The following FSTL5 variants were observed in gnomAD, a reference collection of about 807,000 sequenced individuals.
FSTL5 encodes follistatin like 5.
Under a neutral mutation model 89.1 loss-of-function variants are expected in FSTL5, and 62 were observed. The ratio of observed to expected loss-of-function variants is 0.70; its 90% confidence interval spans 0.57 to 0.86. The LOEUF is 0.86. Ranked by LOEUF, FSTL5 falls within the 40% of genes least tolerant of loss-of-function variation. The pLI is 0.00. For missense variants in FSTL5, 1,057 were observed against 1,001.6 expected (o/e 1.06, Z -0.75); for synonymous variants, 383 against 346.2 (o/e 1.11, Z -1.18).
intron 15 of FSTL5, among the ~76,000 whole-genome samples, chr4:161,403,229 CT>C (rs1731241660): frequency 6.6e-6 from 1 of 152,164 alleles, no homozygotes; most frequent in African/African-American, 2.4e-5. Flanking sequence ...TTAATTCTTC[CT>C]ATAGGATTTC....
At chr4:162,054,557 G>GT (rs1738478036) in intron 2 of FSTL5, among the ~76,000 whole-genome samples, 2 of 151,844 alleles carry the variant, frequency 1.3e-5, no homozygotes, top group Non-Finnish European at 2.9e-5. Flanking sequence ...AACTTTAAAT[G>GT]TAAGAGCAAG....
chr4:161,387,669 T>G, intron 15 of FSTL5: 1 of 152,128 alleles, frequency 6.6e-6, no homozygotes, highest in East Asian at 1.9e-4. Flanking sequence ...TTAAATATCA[T>G]AGAAAAATAA....
chr4:161,488,564 G>A (rs1434499633), intron 12 of FSTL5, among the ~76,000 whole-genome samples: 1 of 151,892 alleles, frequency 6.6e-6, no homozygotes, highest in East Asian at 1.9e-4. Context: ...AGTGTCCAAG[G>A]GTGCACTTAT....
At chr4:162,019,879 C>T (rs1737022501) in intron 3 of FSTL5, among the ~76,000 whole-genome samples, 1 of 148,630 alleles carries the variant, frequency 6.7e-6, no homozygotes, top group Admixed American at 6.8e-5. Context: ...AATATATATG[C>T]ATTTATTTTT....
intron 6 of FSTL5, among the ~76,000 whole-genome samples, chr4:161,754,250 T>C (rs937522593): frequency 1.3e-5 from 2 of 152,110 alleles, no homozygotes; most frequent in African/African-American, 4.8e-5. Context: ...AAAAACTTAA[T>C]TATTTTTATG....
intron 2 of FSTL5, among the ~76,000 whole-genome samples, chr4:162,072,894 A>G (rs75452635): frequency 0.039 from 5,924 of 151,816 alleles, 176 homozygotes; most frequent in East Asian, 0.11. Flanking sequence ...TAGAACAAAA[A>G]AGGCTGATCT....
intron 1 of FSTL5, among the ~76,000 whole-genome samples, chr4:162,141,139 C>T (rs1316757950): frequency 2.5e-5 from 1 of 39,246 alleles, no homozygotes; most frequent in Non-Finnish European, 4.7e-5. Flanking sequence ...TTTTTTGAGA[C>T]GGAGTTTCGC....
chr4:161,819,942 A>C (rs1190630196), intron 4 of FSTL5, among the ~76,000 whole-genome samples: 1 of 152,068 alleles, frequency 6.6e-6, no homozygotes, highest in Non-Finnish European at 1.5e-5. Context: ...AGTAAAAAAA[A>C]ATTAAGTTTT....
intron 2 of FSTL5, among the ~76,000 whole-genome samples, chr4:162,072,631 G>T (rs1430855891): frequency 6.6e-6 from 1 of 151,612 alleles, no homozygotes; most frequent in East Asian, 1.9e-4. Flanking sequence ...TAATACAATA[G>T]CAAACACTTA....
intron 2 of FSTL5, among the ~76,000 whole-genome samples, chr4:162,055,863 T>C (rs552835407): frequency 9.0e-4 from 137 of 151,982 alleles, no homozygotes; most frequent in Admixed American, 1.6e-3. Context: ...ATAAATTATA[T>C]AATAAATGGC....
At chr4:161,658,051 A>AG (rs1487846112) in intron 6 of FSTL5, among the ~76,000 whole-genome samples, 2 of 152,242 alleles carry the variant, frequency 1.3e-5, no homozygotes, top group African/African-American at 4.8e-5. Flanking sequence ...CACCCAAAAC[A>AG]GAGACAGTAA....
intron 3 of FSTL5, among the ~76,000 whole-genome samples, chr4:161,924,269 C>T (rs7673235): frequency 0.62 from 93,495 of 150,860 alleles, 29,083 homozygotes; most frequent in Middle Eastern, 0.7. Context: ...TATTAAAAGA[C>T]TAAACATACC....
At chr4:161,977,760 A>T (rs544354267) in intron 3 of FSTL5, among the ~76,000 whole-genome samples, 11 of 151,790 alleles carry the variant, frequency 7.2e-5, no homozygotes, top group Middle Eastern at 3.4e-3. Flanking sequence ...TTGGAATTCA[A>T]ATCCAACTAT....
At chr4:162,040,541 G>A (rs1009884753) in intron 2 of FSTL5, among the ~76,000 whole-genome samples, 2 of 151,924 alleles carry the variant, frequency 1.3e-5, no homozygotes, top group Admixed American at 6.6e-5. Flanking sequence ...CAAAAATAGA[G>A]GGGAGACAGT....
intron 8 of FSTL5, among the ~76,000 whole-genome samples, chr4:161,554,569 GTGACT>G (rs762029067): frequency 5.3e-5 from 8 of 151,610 alleles, no homozygotes; most frequent in Non-Finnish European, 7.4e-5. Context: ...ACCCAATACA[GTGACT>G]TCATTCTAAC....
intron 8 of FSTL5, among the ~76,000 whole-genome samples, chr4:161,544,570 A>G (rs1217502076): frequency 1.3e-5 from 2 of 151,956 alleles, no homozygotes; most frequent in Non-Finnish European, 2.9e-5. Context: ...TGGTTACACA[A>G]CATTGTAAAT....
intron 6 of FSTL5, among the ~76,000 whole-genome samples, chr4:161,741,158 C>A (rs370297845): frequency 5.9e-4 from 90 of 152,112 alleles, no homozygotes; most frequent in African/African-American, 2.1e-3. Flanking sequence ...GAATAATGAC[C>A]CCCACCAAAA....
chr4:161,820,499 C>T (rs1452478453), intron 4 of FSTL5, among the ~76,000 whole-genome samples: 6 of 152,054 alleles, frequency 3.9e-5, no homozygotes, highest in Non-Finnish European at 8.8e-5. Context: ...CTCACCAAAC[C>T]CATTTCTTTT....
At chr4:161,780,638 C>G (rs188765337) in intron 4 of FSTL5, among the ~76,000 whole-genome samples, 61 of 152,268 alleles carry the variant, frequency 4.0e-4, no homozygotes, top group African/African-American at 1.4e-3. Flanking sequence ...ATCCATCTGG[C>G]CTTGTGGGTC....
Sources: gnomAD v4.1 joint callset for allele counts (sites outside exome capture counted in the v4.1 genomes callset) on GRCh38, gnomAD v4.1.1 for gene constraint, MANE v1.5 for transcripts, NCBI Gene and HGNC (gene_info 2026-07-23, HGNC 2026-07-21) for gene names.